C22orf23: variants seen among roughly 807,000 people sequenced by gnomAD.
C22orf23 encodes UPF0193 protein EVG1.
Under a neutral mutation model 29.7 loss-of-function variants are expected in C22orf23, and 30 were observed. That is an observed-to-expected ratio of 1.01 (90% CI 0.76 to 1.37). The LOEUF (loss-of-function observed/expected upper bound fraction) is 1.37, where lower values mean the gene tolerates loss of function less well. C22orf23 is among the 40% of genes most tolerant of loss of function. The pLI, the probability that C22orf23 is intolerant of heterozygous loss-of-function variation, is 0.00. For synonymous variants in C22orf23, 90 were observed against 96.1 expected, an observed-to-expected ratio of 0.94 and a Z score of 0.37; for missense variants, 237 against 273.1, an observed-to-expected ratio of 0.87 and a Z score of 0.93.
intron 4 of C22orf23, among the ~76,000 whole-genome samples, chr22:37,946,290 G>A (rs1356131121): frequency 6.6e-6 from 1 of 150,810 alleles, no homozygotes; most frequent in African/African-American, 2.5e-5. Flanking sequence ...GGCAGGGCAT[G>A]GTGATGGTGC....
At chr22:37,947,224 C>A (rs1930747364) in intron 4 of C22orf23, 57 bp downstream of exon 4, 10 of 1,593,746 alleles carry the variant, frequency 6.3e-6, no homozygotes, top group African/African-American at 2.7e-5. Context: ...TTGCGTCCCT[C>A]TCCCTTGTCC....
chr22:37,953,618 C>G (rs1329941808), upstream of C22orf23: 4 of 731,078 alleles, frequency 5.5e-6, no homozygotes, highest in Non-Finnish European at 8.7e-6. Context: ...GCGCACACAC[C>G]AGTCAGCGCA....
rs6000946 is a variant in C22orf23, at chr22:37,944,534, G to A, written c.482-17C>T. 6.6e-3 allele frequency: 10,664 copies of A among 1,605,958 alleles called. 586 individuals carry two copies. The African/African-American group carries it at 0.12, about 19-fold the overall frequency. On this transcript the variant is annotated splice_polypyrimidine_tract_variant and intron_variant, in intron 5 of 6. Coordinates refer to ENST00000403305, the MANE Select transcript of C22orf23 (RefSeq NM_032561.5). ...CCTTCACCACTGGACAGAGGAGAGG[G>A]CTGTCAGGTTCCCATGAGGGATGCA...
At position 37,943,872 on chromosome 22, in the gene C22orf23, AG is replaced by A; in HGVS notation, c.*302del. On this transcript the variant is annotated 3_prime_UTR_variant, in exon 7 of 7. Coordinates refer to ENST00000403305, the MANE Select transcript of C22orf23 (RefSeq NM_032561.5). Reference sequence around the variant, plus strand: ...CCTGAATTCAGAAAACTAAATGAACAGGCCACAGGTCAGAAGTGGTGGGAAG... The same window carrying A: ...CCTGAATTCAGAAAACTAAATGAACAGCCACAGGTCAGAAGTGGTGGGAAG... 2.5e-6 allele frequency: 1 copy of A among 407,426 alleles called. No individual in the cohort carries two copies. Among genetic ancestry groups the A allele is most frequent in the Non-Finnish European group, 4.4e-6 (1 of 226,256 alleles). 25.2% of individuals were successfully genotyped at this position (407,426 alleles called of 1,614,324 possible). A position where few individuals can be genotyped will look rare whatever the true frequency, so the allele number is the denominator to read the frequency against.
intron 2 of C22orf23, chr22:37,952,531 T>TCCCCCCC (rs898665946): frequency 5.9e-5 from 4 of 67,982 alleles, no homozygotes; most frequent in African/African-American, 1.6e-4. Flanking sequence ...AACCTTCCCC[T>TCCCCCCC]CCCCCCCGCC....
intron 2 of C22orf23, among the ~76,000 whole-genome samples, chr22:37,952,268 C>T (rs1322150223): frequency 6.6e-6 from 1 of 152,066 alleles, no homozygotes; most frequent in East Asian, 1.9e-4. Flanking sequence ...AATTGTGGGC[C>T]GAAACAGGCA....
intron 4 of C22orf23, among the ~76,000 whole-genome samples, chr22:37,945,810 T>TAA (rs1169265242): frequency 5.1e-4 from 41 of 80,794 alleles, no homozygotes; most frequent in African/African-American, 1.3e-3. Context: ...ATCCTATCTC[T>TAA]AAAAAAAAAA....
chr22:37,946,486 G>A (rs944269556), intron 4 of C22orf23, among the ~76,000 whole-genome samples: 4 of 151,614 alleles, frequency 2.6e-5, no homozygotes, highest in African/African-American at 9.7e-5. Flanking sequence ...TGAGGCAGGA[G>A]GATTGCTTGA....
At chr22:37,952,073 C>A (rs1057108622) in intron 2 of C22orf23, among the ~76,000 whole-genome samples, 5 of 151,960 alleles carry the variant, frequency 3.3e-5, no homozygotes, top group African/African-American at 1.2e-4. Context: ...CCTTGGCCTC[C>A]CAAAGTGCTG....
rs1047294777 is a variant in C22orf23, at chr22:37,944,797, G to A, written c.481+245C>T. The A allele has an allele frequency of 1.0e-5, 6 of 574,934 alleles. No homozygotes were observed. In the African/African-American group the frequency reaches 1.1e-4, roughly 11 times the overall value. 35.6% of individuals were successfully genotyped at this position (574,934 alleles called of 1,614,324 possible). A position where few individuals can be genotyped will look rare whatever the true frequency, so the allele number is the denominator to read the frequency against. ...GCTGGTAATCCCAGCTACTCAGGTG[G>A]CTGAGGCAGGAGGGATTGCTTGAAC... On this transcript the variant is annotated intron_variant, in intron 5 of 6. Transcript: ENST00000403305.
chr22:37,944,382 C>A (rs747419530), intron 6 of C22orf23, 35 bp downstream of exon 6: 76 of 1,613,712 alleles, frequency 4.7e-5, no homozygotes, highest in Non-Finnish European at 6.0e-5. Flanking sequence ...GCGCTGGGCC[C>A]TTCCCCTCCC....
intron 5 of C22orf23, 157 bp from the exon 6 acceptor site, chr22:37,944,674 G>T: frequency 1.6e-6 from 1 of 633,596 alleles, no homozygotes; most frequent in Non-Finnish European, 2.7e-6. Flanking sequence ...GCCAAGGCAG[G>T]TGGATCACGA....
At chr22:37,947,137 G>T in intron 4 of C22orf23, 144 bp downstream of exon 4, 2 of 802,460 alleles carry the variant, frequency 2.5e-6, no homozygotes, top group Non-Finnish European at 4.0e-6. Context: ...AAGCCAACAT[G>T]TGCTGAGGCT....
chr22:37,949,846 A>C (rs1930913976), intron 3 of C22orf23, among the ~76,000 whole-genome samples: 1 of 152,022 alleles, frequency 6.6e-6, no homozygotes, highest in Non-Finnish European at 1.5e-5. Flanking sequence ...AGCGGTCAGA[A>C]GTATTAATTT....
Position 37,951,626 on chromosome 22 carries a change from C to T in C22orf23, c.104-104G>A, listed in dbSNP as rs1240667151. ...CCCTACATCCTAGCCCCATTCTGCACTGAGCATGCCTTCTCTATCTTTCCT... is the reference window on the plus strand; with the variant it reads ...CCCTACATCCTAGCCCCATTCTGCATTGAGCATGCCTTCTCTATCTTTCCT... On this transcript the variant is annotated intron_variant, in intron 2 of 6. Transcript: ENST00000403305. 4.8e-6 allele frequency: 4 copies of T among 841,502 alleles called. No individual in the cohort carries two copies. The East Asian group carries it at 1.0e-4, about 21-fold the overall frequency. The allele number at this position is 841,502 out of a possible 1,614,324, so 52.1% of individuals were successfully genotyped here.
At chr22:37,951,797 CTTTTTTTTTTTTTT>C (rs551481283) in intron 2 of C22orf23, 314 of 38,764 alleles carry the variant, frequency 8.1e-3, no homozygotes, top group Middle Eastern at 0.045. Context: ...TCCTCTTTCT[CTTTTTTTTTTTTTT>C]TTTTTTTTTT....
At chr22:37,949,497 C>T in intron 3 of C22orf23, among the ~76,000 whole-genome samples, 1 of 130,674 alleles carries the variant, frequency 7.7e-6, no homozygotes, top group African/African-American at 2.8e-5. Context: ...TTGTTCTTGT[C>T]ACCCAGGCTA....
chr22:37,949,954 C>T (rs1930918848), intron 3 of C22orf23, among the ~76,000 whole-genome samples: 1 of 151,904 alleles, frequency 6.6e-6, no homozygotes, highest in Non-Finnish European at 1.5e-5. Context: ...TCTCCTGCCT[C>T]AGCTTCCTGA....
chr22:37,953,158 T>G lies in C22orf23; in HGVS notation c.-9A>C, dbSNP rs1931172406. The stretch of plus-strand genomic sequence containing the variant: ...TGCTTCTGTGAAGCCATGGGAGGAC[T>G]CTGAGGAGGGAAAGACGCAATGACA... On this transcript the variant is annotated splice_region_variant and 5_prime_UTR_variant, in exon 2 of 7. Coordinates refer to ENST00000403305, the MANE Select transcript of C22orf23 (RefSeq NM_032561.5). 6.2e-7 allele frequency: 1 copy of G among 1,605,468 alleles called. No individual in the cohort carries two copies. Among genetic ancestry groups the G allele is most frequent in the Non-Finnish European group, 8.5e-7 (1 of 1,173,186 alleles).
Sources: gnomAD v4.1 joint callset for allele counts (sites outside exome capture counted in the v4.1 genomes callset) on GRCh38, gnomAD v4.1.1 for gene constraint, MANE v1.5 for transcripts, NCBI Gene and HGNC (gene_info 2026-07-23, HGNC 2026-07-21) for gene names.